Variants in DCUN1D1 observed in about 807,000 individuals in gnomAD.
The protein encoded by DCUN1D1 is defective in cullin neddylation 1 domain containing 1, also known as DCN1-like protein 1.
DCUN1D1 carries 3 observed loss-of-function variants against 39.0 expected under a neutral mutation model. The ratio of observed to expected loss-of-function variants is 0.08; its 90% CI spans 0.04 to 0.20. DCUN1D1 has a LOEUF of 0.20. DCUN1D1 is among the 10% of genes least tolerant of loss of function. The probability of loss-of-function intolerance (pLI) is 1.00; values close to 1 mark genes in which losing one functional copy is unlikely to be tolerated. For missense variants in DCUN1D1, 158 were observed against 302.4 expected, an observed-to-expected ratio of 0.52 and a Z score of 3.54; for synonymous variants, 82 against 96.3, an observed-to-expected ratio of 0.85 and a Z score of 0.87.
At chr3:182,976,440 TACATACAC>T (rs1394252223) in intron 1 of DCUN1D1, among the ~76,000 whole-genome samples, 20 of 93,074 alleles carry the variant, frequency 2.1e-4, no homozygotes, top group Admixed American at 9.5e-4. Flanking sequence ...TACATATACA[TACATACAC>T]ACACACACAC....
At chr3:182,961,065 G>A (rs556342578) in intron 4 of DCUN1D1, among the ~76,000 whole-genome samples, 161 bp downstream of exon 4, 1 of 151,970 alleles carries the variant, frequency 6.6e-6, no homozygotes, top group African/African-American at 2.4e-5. Flanking sequence ...CAATGTGCAT[G>A]GTATTTTCTG....
chr3:182,963,271 C>T (rs896877099), intron 3 of DCUN1D1, among the ~76,000 whole-genome samples: 4 of 152,196 alleles, frequency 2.6e-5, no homozygotes, highest in African/African-American at 9.6e-5. Flanking sequence ...GCACAGTTAA[C>T]TGAAATAAAA....
At position 182,944,814 on chromosome 3, in the gene DCUN1D1, T is replaced by C. The variant is rs1334158457; in HGVS notation, c.*280A>G. 2 of 304,182 alleles carry C rather than the reference T, an allele frequency of 6.6e-6. No individual in the cohort carries two copies. The highest frequency in any genetic ancestry group is 4.4e-5 in the African/African-American group (2 of 45,548). 18.8% of individuals were successfully genotyped at this position (304,182 alleles called of 1,614,324 possible). A position where few individuals can be genotyped will look rare whatever the true frequency, so the allele number is the denominator to read the frequency against. ...ATCACCATAAAGCTTCTAAGACTTA[T>C]GGGAGAATAAACTAGGATGGTCCAC... On this transcript the variant is annotated 3_prime_UTR_variant, in exon 7 of 7. Coordinates refer to ENST00000292782, the MANE Select transcript of DCUN1D1 (RefSeq NM_020640.4).
At chr3:182,973,015 C>T (rs1368179087) in intron 1 of DCUN1D1, among the ~76,000 whole-genome samples, 1 of 151,872 alleles carries the variant, frequency 6.6e-6, no homozygotes, top group African/African-American at 2.4e-5. Flanking sequence ...GCGCTCCAAT[C>T]TGGGCAAGAA....
At chr3:182,972,512 C>T (rs1473093786) in intron 1 of DCUN1D1, among the ~76,000 whole-genome samples, 1 of 152,148 alleles carries the variant, frequency 6.6e-6, no homozygotes, top group Non-Finnish European at 1.5e-5. Context: ...CAAGGCAGCT[C>T]ACGCCTGTAA....
intron 4 of DCUN1D1, among the ~76,000 whole-genome samples, chr3:182,954,623 T>C (rs1235852630): frequency 6.6e-6 from 1 of 152,124 alleles, no homozygotes; most frequent in Non-Finnish European, 1.5e-5. Context: ...AGAAAAAAGG[T>C]AAAAACAATG....
At chr3:182,980,680 C>G (rs1401072545), upstream of DCUN1D1, 2 of 652,672 alleles carry the variant, frequency 3.1e-6, no homozygotes, top group African/African-American at 2.0e-5. Flanking sequence ...GAGGGCGCCC[C>G]GCGCGGGGCT....
Position 182,965,730 on chromosome 3 carries a change from C to T in DCUN1D1, c.27G>A (p.Lys9=). 6.2e-7 allele frequency: 1 copy of T among 1,613,128 alleles called. No individual in the cohort carries two copies. Among genetic ancestry groups the T allele is most frequent in the Non-Finnish European group, 8.5e-7 (1 of 1,179,572 alleles). The change falls in exon 2 of 7, where the codon AAG becomes AAA. Residue 9 remains lysine, a synonymous_variant. Transcript: ENST00000292782. The stretch of plus-strand genomic sequence containing the variant: ...AGATCATAAACTGACGAACTTTATC[C>T]TTCTGCGATGATTTCAACTTGTTCT... The part of the protein sequence containing the change: MNKLKSSQ[K]DKVRQFMIFT...
intron 4 of DCUN1D1, among the ~76,000 whole-genome samples, chr3:182,948,941 G>A (rs143770494): frequency 0.03 from 4,578 of 151,380 alleles, 220 homozygotes; most frequent in African/African-American, 0.11. Flanking sequence ...CCAGCTACTC[G>A]GGAGGCTGAG....
chr3:182,956,523 T>C (rs1171452392), intron 4 of DCUN1D1, among the ~76,000 whole-genome samples: 1 of 152,240 alleles, frequency 6.6e-6, no homozygotes, highest in Admixed American at 6.5e-5. Flanking sequence ...GCTATGAGTT[T>C]CCTCATCTAT....
At chr3:182,952,159 C>CTTATGT (rs1227031546) in intron 4 of DCUN1D1, among the ~76,000 whole-genome samples, 2 of 152,286 alleles carry the variant, frequency 1.3e-5, no homozygotes, top group African/African-American at 4.8e-5. Flanking sequence ...CTTATGTCCT[C>CTTATGT]TCTGCCTTAT....
intron 1 of DCUN1D1, among the ~76,000 whole-genome samples, chr3:182,973,859 T>C (rs144523884): frequency 2.6e-5 from 4 of 152,226 alleles, no homozygotes; most frequent in African/African-American, 9.6e-5. Context: ...ATAGATTTTG[T>C]AGACTTTTGT....
chr3:182,968,826 C>G (rs951418311), intron 1 of DCUN1D1, among the ~76,000 whole-genome samples: 3 of 152,296 alleles, frequency 2.0e-5, no homozygotes, highest in Admixed American at 1.3e-4. Context: ...TCTTGAACTC[C>G]TGACCTCAGG....
chr3:182,955,124 TCTGCCTCCAGGGTTCAAGGGATTCTC>T (rs1335607838), intron 4 of DCUN1D1, among the ~76,000 whole-genome samples: 1 of 151,922 alleles, frequency 6.6e-6, no homozygotes, highest in Non-Finnish European at 1.5e-5. Flanking sequence ...CACTGCAACC[TCTGCCTCCAGGGTTCAAGGGATTCTC>T]CTGCCTCAGC....
chr3:182,948,184 G>A (rs761671817), intron 4 of DCUN1D1, among the ~76,000 whole-genome samples: 2 of 152,118 alleles, frequency 1.3e-5, no homozygotes, highest in Non-Finnish European at 2.9e-5. Flanking sequence ...CAGGTTGGAA[G>A]GTGAAGGACT....
At chr3:182,982,769 C>T (rs1228146845), upstream of DCUN1D1, among the ~76,000 whole-genome samples, 1 of 152,048 alleles carries the variant, frequency 6.6e-6, no homozygotes, top group Admixed American at 6.6e-5. Flanking sequence ...CAGCCCCCAC[C>T]GAGTAGCTGG....
At chr3:182,978,716 C>G (rs1398453816) in intron 1 of DCUN1D1, among the ~76,000 whole-genome samples, 2 of 152,218 alleles carry the variant, frequency 1.3e-5, no homozygotes, top group African/African-American at 2.4e-5. Context: ...CACGACAATT[C>G]TCATGACATA....
intron 4 of DCUN1D1, among the ~76,000 whole-genome samples, chr3:182,949,627 G>A (rs970575156): frequency 2.7e-5 from 4 of 150,144 alleles, no homozygotes; most frequent in African/African-American, 7.4e-5. Flanking sequence ...AAGCTGAAGC[G>A]GGAGAATCCT....
At chr3:182,974,885 T>G (rs1477278404) in intron 1 of DCUN1D1, among the ~76,000 whole-genome samples, 1 of 152,160 alleles carries the variant, frequency 6.6e-6, no homozygotes, top group Non-Finnish European at 1.5e-5. Flanking sequence ...TGATTTTTTT[T>G]CCTTCTGTTT....
Sources: allele counts gnomAD v4.1 joint callset (sites outside exome capture counted in the v4.1 genomes callset), GRCh38; gene constraint gnomAD v4.1.1; transcripts MANE v1.5; gene names NCBI Gene and HGNC (gene_info 2026-07-23, HGNC 2026-07-21).